DNAH17: variants seen among roughly 807,000 people sequenced by gnomAD.
DNAH17 encodes the protein axonemal beta dynein heavy chain 17.
In DNAH17, 376 loss-of-function variants were observed where a neutral mutation model predicts 485.6. The ratio of observed to expected loss-of-function variants is 0.77; its 90% CI spans 0.71 to 0.84. The LOEUF (loss-of-function observed/expected upper bound fraction) is 0.84, where lower values mean the gene tolerates loss of function less well. Among genes scored for constraint, DNAH17 ranks in the 40% least tolerant of loss-of-function variants. The pLI is 0.00. For missense variants in DNAH17, 6,370 were observed against 5,839.3 expected, an observed-to-expected ratio of 1.09 and a Z score of -2.96; for synonymous variants, 3,031 against 2,405.9, an observed-to-expected ratio of 1.26 and a Z score of -7.60.
intron 25 of DNAH17, among the ~76,000 whole-genome samples, chr17:78,515,479 G>A (rs896679534): frequency 2.6e-5 from 4 of 151,996 alleles, no homozygotes; most frequent in South Asian, 2.1e-4. Context: ...ACTGCACTTC[G>A]GCCTGGGTGA....
chr17:78,563,911 C>T (rs2092213179), intron 11 of DNAH17, among the ~76,000 whole-genome samples: 1 of 151,974 alleles, frequency 6.6e-6, no homozygotes, highest in African/African-American at 2.4e-5. Flanking sequence ...TCTCCCCCTG[C>T]CTCCCTCCCC....
At position 78,569,268 on chromosome 17, in the gene DNAH17, G is replaced by C. The variant is rs759103891; in HGVS notation, c.1198-16C>G. ...GCTCTTTGTCCTTAGAGGAGAGAAA[G>C]AGAGATGAGGCCACGTTTGCTTCAA... On this transcript the variant is annotated splice_polypyrimidine_tract_variant and intron_variant, in intron 8 of 80. Coordinates refer to ENST00000389840, the MANE Select transcript of DNAH17 (RefSeq NM_173628.4). 9.4e-5 allele frequency: 151 copies of C among 1,599,024 alleles called. No homozygotes were observed. Among genetic ancestry groups the C allele is most frequent in the Non-Finnish European group, 1.2e-4 (141 of 1,172,802 alleles).
At chr17:78,433,076 C>G (rs75751676) in intron 75 of DNAH17, among the ~76,000 whole-genome samples, 3,426 of 152,226 alleles carry the variant, frequency 0.023, 127 homozygotes, top group African/African-American at 0.077. Flanking sequence ...CTTGCTCTCT[C>G]TGAGCCAGGG....
At position 78,465,132 on chromosome 17, in the gene DNAH17, G is replaced by C. The variant is rs568630729; in HGVS notation, c.8940+1523C>G. Among the ~76,000 whole-genome samples, 17 of 152,336 alleles carry C rather than the reference G, an allele frequency of 1.1e-4. No individual in the cohort carries two copies. In the South Asian group the frequency reaches 2.7e-3, roughly 24 times the overall value. ...GTTTTGGTGGAGACGGGGTTTCGCTGTGTTGCCCAGGCCAGTCTCCAGCCC... is the reference window on the plus strand; with the variant it reads ...GTTTTGGTGGAGACGGGGTTTCGCTCTGTTGCCCAGGCCAGTCTCCAGCCC... On this transcript the variant is annotated intron_variant, in intron 56 of 80. Transcript: ENST00000389840.
chr17:78,547,735 A>G (rs1199047481), intron 16 of DNAH17, among the ~76,000 whole-genome samples: 1 of 151,408 alleles, frequency 6.6e-6, no homozygotes, highest in Non-Finnish European at 1.5e-5. Context: ...CTCCTGCCTC[A>G]GCCTCTCTAG....
intron 54 of DNAH17, among the ~76,000 whole-genome samples, chr17:78,473,391 A>G (rs936532537): frequency 6.6e-6 from 1 of 152,044 alleles, no homozygotes; most frequent in Non-Finnish European, 1.5e-5. Flanking sequence ...AAAAATACAA[A>G]AAATTAGACG....
intron 13 of DNAH17, among the ~76,000 whole-genome samples, chr17:78,560,528 G>A (rs890048533): frequency 2.6e-5 from 4 of 152,022 alleles, no homozygotes; most frequent in Admixed American, 1.3e-4. Context: ...TCACAGGAAC[G>A]CTTTCAAGAA....
At chr17:78,515,720 G>A (rs1255190859) in intron 25 of DNAH17, among the ~76,000 whole-genome samples, 1 of 152,188 alleles carries the variant, frequency 6.6e-6, no homozygotes, top group African/African-American at 2.4e-5. Flanking sequence ...AAGGGGCATC[G>A]CCGAAATACA....
intron 68 of DNAH17, 132 bp from the exon 69 acceptor site, chr17:78,449,716 C>T (rs866004592): frequency 2.7e-5 from 26 of 955,896 alleles, no homozygotes; most frequent in Middle Eastern, 5.1e-4. Context: ...CTTGCTCTGT[C>T]GCCCAGGCTG....
At chr17:78,511,969 G>A (rs895748732) in intron 26 of DNAH17, among the ~76,000 whole-genome samples, 2 of 152,236 alleles carry the variant, frequency 1.3e-5, no homozygotes, top group Non-Finnish European at 2.9e-5. Flanking sequence ...GGAGCAAGTG[G>A]GTGCCCCTGT....
chr17:78,517,041 T>C (rs1047295138), intron 25 of DNAH17, among the ~76,000 whole-genome samples: 1 of 152,188 alleles, frequency 6.6e-6, no homozygotes, highest in Admixed American at 6.5e-5. Context: ...ATTTGACAAA[T>C]GATTCTTTTG....
intron 74 of DNAH17, among the ~76,000 whole-genome samples, chr17:78,436,693 A>G (rs956688261): frequency 2.6e-5 from 4 of 151,772 alleles, no homozygotes; most frequent in African/African-American, 9.7e-5. Context: ...AAAATCCAAA[A>G]TATTAGCTGG....
Position 78,526,664 on chromosome 17 carries a change from T to C in DNAH17, c.3698A>G (p.Lys1233Arg). The change falls in exon 24 of 81, where the codon AAG becomes AGG. Residue 1233 changes from lysine (K) to arginine (R), a missense_variant. Coordinates refer to ENST00000389840, the MANE Select transcript of DNAH17 (RefSeq NM_173628.4). ...PFSFSDPNPYKSLNKQQKSIS... is the reference protein window; with the variant it reads ...PFSFSDPNPYRSLNKQQKSIS... ...GAGCAAAAATACCTTATTCAGGGAC[T>C]TGTAGGGGTTGGGGTCGCTGAAGGA... The C allele has an allele frequency of 1.2e-6, 2 of 1,608,360 alleles. No individual in the cohort carries two copies. The highest frequency in any genetic ancestry group is 1.7e-6 in the Non-Finnish European group (2 of 1,175,788).
intron 50 of DNAH17, 143 bp from the exon 51 acceptor site, chr17:78,479,259 A>T (rs1193467583): frequency 9.8e-7 from 1 of 1,017,640 alleles, no homozygotes; most frequent in African/African-American, 1.6e-5. Flanking sequence ...AGTGGGAGGG[A>T]ATTTGCTGTT....
At chr17:78,460,102 G>C in intron 59 of DNAH17, 60 bp downstream of exon 59, 1 of 1,579,264 alleles carries the variant, frequency 6.3e-7, no homozygotes, top group Non-Finnish European at 8.6e-7. Flanking sequence ...CACGCCAACA[G>C]CGAAGGCAGC....
rs368532657 is a variant in DNAH17, at chr17:78,522,854, CTTTCTT to C, written c.3864+2149_3864+2154del. 770 of 155,286 alleles carry C rather than the reference CTTTCTT, an allele frequency of 5.0e-3. 6 individuals are homozygous for C. Among genetic ancestry groups the C allele is most frequent in the African/African-American group, 0.018 (732 of 40,168 alleles). The allele number at this position is 155,286 out of a possible 1,614,324, so 9.6% of individuals were successfully genotyped here. A position where few individuals can be genotyped will look rare whatever the true frequency, so the allele number is the denominator to read the frequency against. On this transcript the variant is annotated intron_variant, in intron 25 of 80. Coordinates refer to ENST00000389840, the MANE Select transcript of DNAH17 (RefSeq NM_173628.4). ...TAAATTCTTCCTTTCTTTCCTTTTT[CTTTCTT>C]TTTTTTTTTTGAGATGTGGTTTCAC...
intron 3 of DNAH17, among the ~76,000 whole-genome samples, 179 bp downstream of exon 3, chr17:78,572,522 C>T (rs180796404): frequency 1.1e-3 from 171 of 152,102 alleles, no homozygotes; most frequent in Admixed American, 3.5e-3. Flanking sequence ...GTTTCAACTT[C>T]CTCAGTCTCA....
At chr17:78,538,592 TAA>T (rs2091440385) in intron 18 of DNAH17, among the ~76,000 whole-genome samples, 1 of 152,194 alleles carries the variant, frequency 6.6e-6, no homozygotes, top group South Asian at 2.1e-4. Flanking sequence ...CAGACTTCTC[TAA>T]AGACTCAGGT....
intron 2 of DNAH17, among the ~76,000 whole-genome samples, chr17:78,573,856 T>TG (rs2143753134): frequency 6.6e-6 from 1 of 152,224 alleles, no homozygotes; most frequent in Admixed American, 6.5e-5. Flanking sequence ...CACAGGCCCC[T>TG]GTACTGCAGA....
Sources: gnomAD v4.1 joint callset for allele counts (sites outside exome capture counted in the v4.1 genomes callset) on GRCh38, gnomAD v4.1.1 for gene constraint, MANE v1.5 for transcripts, NCBI Gene and HGNC (gene_info 2026-07-23, HGNC 2026-07-21) for gene names.